Variants in FSTL5 observed in about 807,000 individuals in gnomAD.
FSTL5 encodes the protein follistatin-related protein 5.
Under a neutral mutation model 89.1 loss-of-function variants are expected in FSTL5, and 62 were observed. That is an observed-to-expected ratio of 0.70 (90% CI 0.57 to 0.86). FSTL5 has a LOEUF of 0.86. Among genes scored for constraint, FSTL5 ranks in the 40% least tolerant of loss-of-function variants. The pLI is 0.00. For synonymous variants in FSTL5, 383 were observed against 346.2 expected, an observed-to-expected ratio of 1.11 and a Z score of -1.18; for missense variants, 1,057 against 1,001.6, an observed-to-expected ratio of 1.06 and a Z score of -0.75.
chr4:162,105,692 A>G (rs1334422421), intron 2 of FSTL5, among the ~76,000 whole-genome samples: 1 of 152,186 alleles, frequency 6.6e-6, no homozygotes, highest in Non-Finnish European at 1.5e-5. Context: ...TAAACATATC[A>G]ATATATTAAT....
At chr4:161,904,537 G>T (rs1247061951) in intron 4 of FSTL5, among the ~76,000 whole-genome samples, 1 of 151,864 alleles carries the variant, frequency 6.6e-6, no homozygotes, top group Non-Finnish European at 1.5e-5. Flanking sequence ...CACACTGGAA[G>T]TGTACAATTT....
chr4:162,124,769 A>G (rs991548326), intron 1 of FSTL5, among the ~76,000 whole-genome samples: 16 of 151,984 alleles, frequency 1.1e-4, no homozygotes, highest in Middle Eastern at 3.2e-3. Flanking sequence ...GTGCGATCTC[A>G]GCTCACTGCA....
chr4:161,848,536 A>T (rs1227914885), intron 4 of FSTL5, among the ~76,000 whole-genome samples: 1 of 152,168 alleles, frequency 6.6e-6, no homozygotes, highest in Non-Finnish European at 1.5e-5. Flanking sequence ...AAGTTTCAGG[A>T]AATTAATATA....
intron 15 of FSTL5, among the ~76,000 whole-genome samples, chr4:161,449,606 C>T (rs1338833612): frequency 3.3e-5 from 5 of 152,108 alleles, no homozygotes; most frequent in Admixed American, 6.6e-5. Flanking sequence ...TGCCAATTGA[C>T]ATCAGCATGT....
intron 4 of FSTL5, among the ~76,000 whole-genome samples, chr4:161,867,635 A>G (rs932176350): frequency 6.6e-6 from 1 of 151,694 alleles, no homozygotes; most frequent in Non-Finnish European, 1.5e-5. Flanking sequence ...ATAATCTAGT[A>G]ATGTCCATTA....
intron 7 of FSTL5, among the ~76,000 whole-genome samples, chr4:161,654,368 A>T (rs1414497251): frequency 6.6e-6 from 1 of 151,902 alleles, no homozygotes; most frequent in Non-Finnish European, 1.5e-5. Flanking sequence ...GGATGGCAGT[A>T]AAAAAAAGAA....
intron 3 of FSTL5, among the ~76,000 whole-genome samples, chr4:161,983,983 T>A (rs1445746315): frequency 6.6e-6 from 1 of 152,064 alleles, no homozygotes; most frequent in African/African-American, 2.4e-5. Context: ...AAAAATTTTA[T>A]ACAAAATTTC....
chr4:161,872,268 G>T (rs1732297996), intron 4 of FSTL5, among the ~76,000 whole-genome samples: 2 of 150,660 alleles, frequency 1.3e-5, no homozygotes, highest in Admixed American at 1.3e-4. Flanking sequence ...ATTGTGCCCA[G>T]CCTAAAGTTA....
intron 4 of FSTL5, among the ~76,000 whole-genome samples, chr4:161,846,860 G>A (rs895255578): frequency 8.5e-5 from 13 of 152,050 alleles, no homozygotes; most frequent in Admixed American, 5.9e-4. Flanking sequence ...GATATTTTTT[G>A]TAGCTGATTA....
intron 7 of FSTL5, among the ~76,000 whole-genome samples, chr4:161,596,442 A>G (rs138303141): frequency 2.0e-3 from 302 of 152,040 alleles, no homozygotes; most frequent in Non-Finnish European, 3.1e-3. Flanking sequence ...AAATGATGAG[A>G]ACTTTGTGAA....
intron 7 of FSTL5, among the ~76,000 whole-genome samples, chr4:161,643,483 T>TTC (rs1553954142): frequency 4.6e-5 from 7 of 150,874 alleles, no homozygotes. Flanking sequence ...TTTTTTTTTT[T>TTC]CCCCTTTTCA....
chr4:161,926,623 C>T (rs775817127), intron 3 of FSTL5, among the ~76,000 whole-genome samples: 13 of 151,722 alleles, frequency 8.6e-5, no homozygotes, highest in Non-Finnish European at 1.9e-4. Flanking sequence ...TTGATGTTCT[C>T]AACTGAAGTG....
intron 1 of FSTL5, among the ~76,000 whole-genome samples, chr4:162,130,720 A>AAACTTC (rs1732268105): frequency 6.6e-6 from 1 of 152,082 alleles, no homozygotes; most frequent in East Asian, 1.9e-4. Context: ...AATTAAACTT[A>AAACTTC]TAACAGCAAC....
intron 3 of FSTL5, among the ~76,000 whole-genome samples, chr4:161,933,468 T>C (rs139187666): frequency 5.8e-4 from 88 of 152,168 alleles, no homozygotes; most frequent in African/African-American, 2.1e-3. Context: ...TGATATGAGA[T>C]AGTTAAAACA....
chr4:161,435,236 A>C (rs891553338), intron 15 of FSTL5, among the ~76,000 whole-genome samples: 2 of 151,974 alleles, frequency 1.3e-5, no homozygotes, highest in Admixed American at 6.5e-5. Context: ...AGTACTAATC[A>C]GTTATAAAAA....
intron 15 of FSTL5, among the ~76,000 whole-genome samples, chr4:161,406,331 C>T (rs1731373253): frequency 1.3e-5 from 2 of 151,980 alleles, no homozygotes; most frequent in Non-Finnish European, 2.9e-5. Context: ...TCCAGCTTTC[C>T]TTCTTTTAGT....
At chr4:161,402,130 G>A (rs1336810779) in intron 15 of FSTL5, among the ~76,000 whole-genome samples, 1 of 152,130 alleles carries the variant, frequency 6.6e-6, no homozygotes, top group Non-Finnish European at 1.5e-5. Flanking sequence ...GAGGGATCTA[G>A]CTAACACTTT....
At chr4:162,012,974 A>G (rs1736811374) in intron 3 of FSTL5, among the ~76,000 whole-genome samples, 1 of 152,144 alleles carries the variant, frequency 6.6e-6, no homozygotes, top group African/African-American at 2.4e-5. Context: ...ACATGAGGTC[A>G]GGAGTTCAAG....
chr4:161,392,967 C>A (rs1730868941), intron 15 of FSTL5, among the ~76,000 whole-genome samples: 1 of 152,030 alleles, frequency 6.6e-6, no homozygotes, highest in Non-Finnish European at 1.5e-5. Context: ...CATTCAAGAC[C>A]AGCCTGGCCA....
Sources: gnomAD v4.1 joint callset for allele counts (sites outside exome capture counted in the v4.1 genomes callset) on GRCh38, gnomAD v4.1.1 for gene constraint, MANE v1.5 for transcripts, NCBI Gene and HGNC (gene_info 2026-07-23, HGNC 2026-07-21) for gene names.